The following TTN variants were observed in gnomAD, a reference collection of about 807,000 sequenced individuals.
TTN encodes the protein titin, also known as connectin.
TTN carries 1,525 observed loss-of-function variants against 3,223.0 expected under a neutral mutation model. The observed-to-expected ratio is 0.47, with a 90% CI of 0.45 to 0.49. The LOEUF (loss-of-function observed/expected upper bound fraction) is 0.49. Among genes scored for constraint, TTN ranks in the 20% least tolerant of loss-of-function variants. The pLI, the probability that TTN is intolerant of heterozygous loss-of-function variation, is 0.00. For missense variants in TTN, 40,786 were observed against 43,424.0 expected (o/e 0.94, Z 5.40); for synonymous variants, 14,094 against 15,161.0 (o/e 0.93, Z 5.17).
chr2:178,556,159 G>A (rs887979405), intron 330 of TTN: 2 of 152,388 alleles, frequency 1.3e-5, no homozygotes, highest in African/African-American at 4.8e-5. Context: ...ACCAGGCATG[G>A]TGGCTCACAC....
rs1163440648 is a variant in TTN at position 178,771,456 on chromosome 2, T to C, written c.7871A>G (p.Lys2624Arg). 3.1e-6 allele frequency: 5 copies of C among 1,613,804 alleles called. No homozygotes were observed. Among genetic ancestry groups the C allele is most frequent in the Non-Finnish European group, 4.2e-6 (5 of 1,179,834 alleles). Residue 2624 changes from lysine to arginine, a missense_variant, in exon 34 of 363, where the codon AAG (lysine) becomes AGG (arginine). By Grantham distance (26) the Lys-to-Arg change is conservative. Coordinates refer to ENST00000589042, the MANE Select transcript of TTN (RefSeq NM_001267550.2). The stretch of plus-strand genomic sequence containing the variant: ...AGCTACGGTCTGATCTGTGAGTGGC[T>C]TGGAGATGGCCCCACCTTTGGAACA... ...KLTVAGGAIS[K>R]PLTDQTVAES...
In TTN at chr2:178,654,203, A is replaced by C; in HGVS notation, c.38380+5T>G. 1 of 1,594,778 alleles carries C rather than the reference A, an allele frequency of 6.3e-7. No homozygotes were observed. The highest frequency in any genetic ancestry group is 8.5e-7 in the Non-Finnish European group (1 of 1,177,888). ...TATTCTTAGCAGAGGAGAGGGAATA[A>C]ATACCTTTTGCACGTGGGGCTTCCG... On this transcript the variant is annotated splice_donor_5th_base_variant and intron_variant, in intron 193 of 362. Coordinates refer to ENST00000589042, the MANE Select transcript of TTN (RefSeq NM_001267550.2).
At position 178,570,603 on chromosome 2, in the gene TTN, C is replaced by T. The variant is rs552074847; in HGVS notation, c.75529G>A (p.Val25177Ile). The T allele has an allele frequency of 1.9e-6, 3 of 1,613,444 alleles. No individual in the cohort carries two copies. The highest frequency in any genetic ancestry group is 1.3e-5 in the African/African-American group (1 of 75,010). ...TSLSVKDAVR[V>I]DSGNYILKAK... ...TTCAGTATGTAATTTCCACTGTCGA[C>T]ACGTACTGCATCTTTTACACTGAGA... is the stretch of plus-strand genomic sequence containing the variant. Residue 25177 changes from valine to isoleucine, a missense_variant, in exon 326 of 363, where the codon GTC becomes ATC. Val to Ile is a conservative substitution (Grantham distance 29). Coordinates refer to ENST00000589042, the MANE Select transcript of TTN (RefSeq NM_001267550.2).
At position 178,622,822 on chromosome 2, in the gene TTN, C is replaced by A. The variant is rs1045738131; in HGVS notation, c.44816-55G>T. 1.2e-5 allele frequency: 16 copies of A among 1,315,124 alleles called. No homozygotes were observed. In the Admixed American group the frequency reaches 2.4e-4, roughly 20 times the overall value. 81.5% of individuals were successfully genotyped at this position (1,315,124 alleles called of 1,614,324 possible). ...TGAGGTTTCTGGAAATTTACTCTGACATTACCATAGTATACATTAAGAAAA... is the reference window on the plus strand; with the variant it reads ...TGAGGTTTCTGGAAATTTACTCTGAAATTACCATAGTATACATTAAGAAAA... On this transcript the variant is annotated intron_variant, in intron 242 of 362. Coordinates refer to ENST00000589042, the MANE Select transcript of TTN (RefSeq NM_001267550.2).
At chr2:178,676,097 T>A in intron 147 of TTN, 102 bp from the exon 148 acceptor site, 4 of 1,046,934 alleles carry the variant, frequency 3.8e-6, no homozygotes, top group Admixed American at 2.6e-5. Context: ...TAACAGTCGC[T>A]CAAGACAGGT....
chr2:178,582,769 AT>A (rs2048077986), intron 313 of TTN, 170 bp downstream of exon 313: 7 of 921,664 alleles, frequency 7.6e-6, no homozygotes, highest in Non-Finnish European at 1.1e-5. Flanking sequence ...GAAATATGTG[AT>A]TTCTAAAGCT....
rs727505163 is a variant in TTN at position 178,535,058 on chromosome 2, T to C, written c.101557A>G (p.Lys33853Glu). Residue 33853 changes from lysine to glutamate, a missense_variant, in exon 358 of 363, where the codon AAA (lysine) becomes GAA (glutamate). Transcript: ENST00000589042. Reference protein sequence around the residue: ...KTYMAKFVKVKGTDQVLVKKE... With the variant: ...KTYMAKFVKVEGTDQVLVKKE... ...TTTACCAAAACCTGATCAGTCCCTT[T>C]GACTTTAACAAATTTGGCCATGTAT... The C allele has an allele frequency of 1.9e-6, 3 of 1,613,828 alleles. No homozygotes were observed. The highest frequency in any genetic ancestry group is 2.5e-6 in the Non-Finnish European group (3 of 1,179,864).
At position 178,611,471 on chromosome 2, in the gene TTN, G is replaced by C. The variant is rs377289817; in HGVS notation, c.50758C>G (p.Pro16920Ala). 1.0e-4 allele frequency: 162 copies of C among 1,612,930 alleles called. 1 individual carries two copies. In the African/African-American group the frequency reaches 1.8e-3, roughly 18 times the overall value. ...ACTCTCAGGACATATTCTTTGTCAG[G>C]AACAACACCTTCTTCAACCTTGAAT... The part of the protein sequence containing the change: ...LKFKVEEGVV[P>A]DKEYVLRVRA... Residue 16920 changes from proline to alanine, a missense_variant, in exon 269 of 363, where the codon CCT (proline) becomes GCT (alanine). By Grantham distance (27) the Pro-to-Ala change is conservative (BLOSUM62 -1). Transcript: ENST00000589042.
In TTN at chr2:178,548,053, A is replaced by T. The variant is rs965506398; in HGVS notation, c.93573T>A (p.Asp31191Glu). The T allele has an allele frequency of 2.5e-6, 4 of 1,613,898 alleles. No homozygotes were observed. Among genetic ancestry groups the T allele is most frequent in the Admixed American group, 3.3e-5 (2 of 60,002 alleles). The change falls in exon 339 of 363, where the codon GAT (aspartate) becomes GAA (glutamate). Residue 31191 changes from aspartate to glutamate, a missense_variant. Coordinates refer to ENST00000589042, the MANE Select transcript of TTN (RefSeq NM_001267550.2). This position sits in a 1 kb window ranked among gnomAD's most constrained non-coding sequence, Gnocchi z 4.3. Reference protein sequence around the residue: ...EYEFRVKAKNDAGYSEPREAF... With the variant: ...EYEFRVKAKNEAGYSEPREAF... ...CTTCTCTGGGTTCACTATAGCCAGC[A>T]TCATTCTTGGCCTTCACACGGAATT...
rs776588807 is a variant in TTN at position 178,608,879 on chromosome 2, A to G, written c.52132T>C (p.Phe17378Leu). 1 of 1,611,008 alleles carries G rather than the reference A, an allele frequency of 6.2e-7. No individual in the cohort carries two copies. The highest frequency in any genetic ancestry group is 8.5e-7 in the Non-Finnish European group (1 of 1,179,142). The change falls in exon 274 of 363, where the codon TTT (phenylalanine) becomes CTT (leucine). Residue 17378 changes from phenylalanine to leucine, a missense_variant. Phe to Leu is a conservative substitution (Grantham distance 22, BLOSUM62 0). Coordinates refer to ENST00000589042, the MANE Select transcript of TTN (RefSeq NM_001267550.2). ...ACTGAGGTCTTTCTGATATCTTCAA[A>G]TACAAAGTTGATTGGTGGTCCCGGT... is the stretch of plus-strand genomic sequence containing the variant. ...DTPGPPINFV[F>L]EDIRKTSVLC...
chr2:178,596,863 C>T (rs1411846728), intron 294 of TTN, among the ~76,000 whole-genome samples: 1 of 151,968 alleles, frequency 6.6e-6, no homozygotes, highest in Non-Finnish European at 1.5e-5. Flanking sequence ...CTAAAGCCTC[C>T]AGTGAGAGCC....
Position 178,576,181 on chromosome 2 carries a change from A to C in TTN, c.69951T>G (p.Ser23317Arg), listed in dbSNP as rs1165001201. The C allele has an allele frequency of 1.2e-6, 2 of 1,612,966 alleles. No individual in the cohort carries two copies. The highest frequency in any genetic ancestry group is 2.2e-5 in the South Asian group (2 of 90,964). Residue 23317 changes from serine (S) to arginine (R), a missense_variant, in exon 326 of 363, where the codon AGT (serine) becomes AGG (arginine). Transcript: ENST00000589042. The surrounding 1 kb of genome is among the most constrained non-coding windows in gnomAD (Gnocchi z 4.3). ...CCCCAACACCTGCATCGTTGATGGC[A>C]CTGATTCTGAAGTTGTATTTTTCTT... ...QTKEKYNFRI[S>R]AINDAGVGEP...
rs377000174 is a variant in TTN, at chr2:178,598,763, C to T, written c.56947G>A (p.Ala18983Thr). Residue 18983 changes from alanine to threonine, a missense_variant, in exon 291 of 363, where the codon GCT (alanine) becomes ACT (threonine). Ala to Thr is a moderately conservative substitution (Grantham distance 58). Transcript: ENST00000589042. ...CCAGGCTTACCAATTGGATCTCTAG[C>T]AGTCGCTGGGTCTGATGGCAGACTT... ...PASLPSDPATARDPIAPPGPP... is the reference protein window; with the variant it reads ...PASLPSDPATTRDPIAPPGPP... 166 of 1,612,746 alleles carry T rather than the reference C, an allele frequency of 1.0e-4. No homozygotes were observed. Among genetic ancestry groups the T allele is most frequent in the Non-Finnish European group, 1.3e-4 (158 of 1,179,386 alleles).
At chr2:178,555,636 G>T (rs1701100028) in intron 330 of TTN, 1 of 156,450 alleles carries the variant, frequency 6.4e-6, no homozygotes, top group Non-Finnish European at 1.4e-5. Context: ...TTTCTGCCAT[G>T]CTGTTTGGAA....
In TTN at chr2:178,569,466, T is replaced by C. The variant is rs1707317089; in HGVS notation, c.76666A>G (p.Ile25556Val). Residue 25556 changes from isoleucine to valine, a missense_variant, in exon 326 of 363, where the codon ATA becomes GTA. Coordinates refer to ENST00000589042, the MANE Select transcript of TTN (RefSeq NM_001267550.2). ...GTGAAACTGCTAGTGACATCAATTATAGCTGCATCTCGGATTTCACCATCC... is the reference window on the plus strand; with the variant it reads ...GTGAAACTGCTAGTGACATCAATTACAGCTGCATCTCGGATTTCACCATCC... ...KVDGEIRDAA[I>V]IDVTSSFTSL... The C allele has an allele frequency of 6.2e-6, 10 of 1,612,948 alleles. No homozygotes were observed. The highest frequency in any genetic ancestry group is 1.7e-5 in the Admixed American group (1 of 59,952).
At chr2:178,744,176 A>G (rs2083013060) in intron 47 of TTN, among the ~76,000 whole-genome samples, 2 of 152,004 alleles carry the variant, frequency 1.3e-5, no homozygotes, top group African/African-American at 2.4e-5. Context: ...GTACTTAAAT[A>G]TTGCTAAATG....
chr2:178,733,954 T>C (rs1439478884), intron 52 of TTN, 62 bp from the exon 53 acceptor site: 2 of 1,443,310 alleles, frequency 1.4e-6, no homozygotes, highest in East Asian at 2.3e-5. Flanking sequence ...ACACCATCTA[T>C]ATTTAAGAGT....
rs1707275200 is a variant in TTN at position 178,569,386 on chromosome 2, T to C, written c.76746A>G (p.Thr25582=). 6.2e-7 allele frequency: 1 copy of C among 1,613,426 alleles called. No individual in the cohort carries two copies. ...NRYDSGKYTL[T]LENSSGTKSA... ...ACTTTGTTCCACTGCTGTTTTCTAA[T>C]GTAAGCGTATATTTTCCACTATCAT... Residue 25582 remains threonine, a synonymous_variant, in exon 326 of 363, where the codon ACA becomes ACG. Transcript: ENST00000589042.
chr2:178,790,828 C>T lies in TTN; in HGVS notation c.1680G>A (p.Glu560=). ...VTQEAIRQET[E]ITAASMVVVA... ...CTACCACCATGGATGCAGCAGTTAT[C>T]TCAGTTTCCTGTCTTATCTGATGTT... Residue 560 remains glutamate, a synonymous_variant, in exon 11 of 363, where the codon GAG becomes GAA. Coordinates refer to ENST00000589042, the MANE Select transcript of TTN (RefSeq NM_001267550.2). The T allele has an allele frequency of 6.2e-7, 1 of 1,614,082 alleles. No homozygotes were observed. The highest frequency in any genetic ancestry group is 8.5e-7 in the Non-Finnish European group (1 of 1,179,974).
Sources: allele counts gnomAD v4.1 joint callset (sites outside exome capture counted in the v4.1 genomes callset), GRCh38; gene constraint gnomAD v4.1.1; non-coding constraint Gnocchi (gnomAD v3.1); transcripts MANE v1.5; gene names NCBI Gene and HGNC (gene_info 2026-07-23, HGNC 2026-07-21).